SEMA3A: variants seen among roughly 807,000 people sequenced by gnomAD.
SEMA3A encodes semaphorin-3A.
A neutral mutation model predicts 97.9 loss-of-function variants in SEMA3A; 29 were observed. The observed-to-expected ratio is 0.30, with a 90% confidence interval of 0.22 to 0.40. The LOEUF is 0.40. Among genes scored for constraint, SEMA3A ranks in the 10% least tolerant of loss-of-function variants. SEMA3A has a pLI of 1.00. For synonymous variants in SEMA3A, 321 were observed against 323.7 expected, an observed-to-expected ratio of 0.99 and a Z score of 0.09; for missense variants, 763 against 951.3, an observed-to-expected ratio of 0.80 and a Z score of 2.60.
rs187709570 is a variant in SEMA3A at position 84,431,977 on chromosome 7, T to C, written c.-245-60077A>G. On this transcript the variant is annotated intron_variant, in intron 1 of 3. Coordinates refer to the SEMA3A transcript ENST00000424555. The stretch of plus-strand genomic sequence containing the variant: ...GCAGGTTATATAAAATGAAATATAT[T>C]TGTAGTTGACTATTAATGATAATGG... Among the ~76,000 whole-genome samples, 1,177 of 152,102 alleles carry C rather than the reference T, an allele frequency of 7.7e-3. 6 individuals carry two copies. Among genetic ancestry groups the C allele is most frequent in the Admixed American group, 0.012 (185 of 15,246 alleles).
At chr7:84,467,513 C>T (rs1294451377) in intron 1 of SEMA3A, among the ~76,000 whole-genome samples, 5 of 122,700 alleles carry the variant, frequency 4.1e-5, no homozygotes, top group South Asian at 2.6e-4. Flanking sequence ...GGTGACAGAG[C>T]GAGACTCCTT....
intron 3 of SEMA3A, among the ~76,000 whole-genome samples, chr7:84,200,512 A>G (rs184575182): frequency 1.3e-5 from 2 of 152,262 alleles, no homozygotes; most frequent in Non-Finnish European, 2.9e-5. Context: ...ATAAAATTTC[A>G]TAAGTTATGG....
chr7:84,401,302 A>C (rs1396572136), intron 1 of SEMA3A, among the ~76,000 whole-genome samples: 1 of 152,136 alleles, frequency 6.6e-6, no homozygotes, highest in Non-Finnish European at 1.5e-5. Context: ...TTTAACCAAA[A>C]AGTGAGAGAT....
chr7:84,299,540 C>T (rs1800956045), intron 3 of SEMA3A, among the ~76,000 whole-genome samples: 2 of 151,300 alleles, frequency 1.3e-5, no homozygotes. Flanking sequence ...CAGTCTAACT[C>T]CCACCCAACA....
At chr7:84,340,148 C>T (rs1448949580) in intron 2 of SEMA3A, among the ~76,000 whole-genome samples, 1 of 152,024 alleles carries the variant, frequency 6.6e-6, no homozygotes, top group African/African-American at 2.4e-5. Context: ...AGTTAATATA[C>T]TTTTACAATT....
At chr7:84,425,304 TATATA>T (rs1220222878) in intron 1 of SEMA3A, among the ~76,000 whole-genome samples, 1 of 119,602 alleles carries the variant, frequency 8.4e-6, no homozygotes, top group Admixed American at 9.6e-5. Context: ...TTTATATAAA[TATATA>T]ATATAATGAT....
At chr7:84,138,526 G>A (rs548583597) in intron 1 of SEMA3A, among the ~76,000 whole-genome samples, 9 of 152,132 alleles carry the variant, frequency 5.9e-5, no homozygotes, top group African/African-American at 1.2e-4. Flanking sequence ...TGTTTCCTAC[G>A]TACAGACAAC....
At chr7:84,076,220 A>T (rs187260485) in intron 4 of SEMA3A, among the ~76,000 whole-genome samples, 1 of 152,280 alleles carries the variant, frequency 6.6e-6, no homozygotes, top group Non-Finnish European at 1.5e-5. Flanking sequence ...ATTGCTAATA[A>T]CTGTTAAGCA....
In SEMA3A at chr7:84,021,093, C is replaced by T. The variant is rs527589471; in HGVS notation, c.668-6742G>A. ...ATTTTGGCTCCCAAGTTTTTTAGCA[C>T]GATAGGGAAATGGGAAACCTTGTCA... On this transcript the variant is annotated intron_variant, in intron 6 of 16. Coordinates refer to ENST00000265362, the MANE Select transcript of SEMA3A (RefSeq NM_006080.3). 5.3e-5 allele frequency among the ~76,000 whole-genome samples: 8 copies of T among 152,256 alleles called. No individual in the cohort carries two copies. In the South Asian group the frequency reaches 1.0e-3, roughly 20 times the overall value.
chr7:84,177,952 T>C (rs1584087836), intron 1 of SEMA3A, among the ~76,000 whole-genome samples: 1 of 152,270 alleles, frequency 6.6e-6, no homozygotes, highest in East Asian at 1.9e-4. Flanking sequence ...CATATTGGCT[T>C]AGTCACTCTT....
At chr7:84,404,651 C>T (rs1419280822) in intron 1 of SEMA3A, among the ~76,000 whole-genome samples, 1 of 152,196 alleles carries the variant, frequency 6.6e-6, no homozygotes, top group East Asian at 1.9e-4. Context: ...AGAGAAAGGT[C>T]GGGTTACCCA....
intron 2 of SEMA3A, among the ~76,000 whole-genome samples, chr7:84,357,179 T>G (rs1037781684): frequency 1.3e-5 from 2 of 151,856 alleles, no homozygotes; most frequent in African/African-American, 4.8e-5. Context: ...GTGCACAACA[T>G]GCAGGCTTGT....
intron 3 of SEMA3A, among the ~76,000 whole-genome samples, chr7:84,237,929 C>A (rs1799273352): frequency 6.6e-6 from 1 of 151,990 alleles, no homozygotes; most frequent in Non-Finnish European, 1.5e-5. Context: ...GAAAACTTAA[C>A]CATAAAAAGA....
chr7:84,173,075 A>C (rs984137752), intron 1 of SEMA3A, among the ~76,000 whole-genome samples: 2 of 152,200 alleles, frequency 1.3e-5, no homozygotes, highest in African/African-American at 4.8e-5. Context: ...CCATATTTTC[A>C]GAGGAAAAGT....
intron 1 of SEMA3A, among the ~76,000 whole-genome samples, chr7:84,390,966 A>C (rs1484600537): frequency 6.6e-6 from 1 of 152,184 alleles, no homozygotes. Context: ...AGAGAAAAGT[A>C]CATATGGTTT....
At chr7:84,216,042 G>C (rs976245496) in intron 3 of SEMA3A, among the ~76,000 whole-genome samples, 1 of 152,134 alleles carries the variant, frequency 6.6e-6, no homozygotes, top group Non-Finnish European at 1.5e-5. Context: ...ATTGAAAAGT[G>C]ATTCCTCTGG....
At chr7:84,424,189 C>T (rs912398044) in intron 1 of SEMA3A, among the ~76,000 whole-genome samples, 1 of 151,160 alleles carries the variant, frequency 6.6e-6, no homozygotes, top group African/African-American at 2.4e-5. Context: ...GACACCTGCA[C>T]ACGAATATTT....
rs1797961959 is a variant in SEMA3A at position 84,188,939 on chromosome 7, T to C, written c.112+5536A>G. ...GACTATTATGCCAATTTTTCCAAAC[T>C]TGGTCTGCACACCTTATTCTGTGCA... On this transcript the variant is annotated intron_variant, in intron 1 of 16. Coordinates refer to ENST00000265362, the MANE Select transcript of SEMA3A (RefSeq NM_006080.3). Among the ~76,000 whole-genome samples, 4 of 151,894 alleles carry C rather than the reference T, an allele frequency of 2.6e-5. No individual in the cohort carries two copies. The South Asian group carries it at 8.3e-4, about 31-fold the overall frequency.
intron 5 of SEMA3A, among the ~76,000 whole-genome samples, chr7:84,056,543 C>T (rs1792983337): frequency 6.6e-6 from 1 of 151,826 alleles, no homozygotes; most frequent in African/African-American, 2.4e-5. Flanking sequence ...TAAGTAAATT[C>T]CACTCACAGA....
Sources: gnomAD v4.1 joint callset for allele counts (sites outside exome capture counted in the v4.1 genomes callset) on GRCh38, gnomAD v4.1.1 for gene constraint, MANE v1.5 for transcripts, NCBI Gene and HGNC (gene_info 2026-07-23, HGNC 2026-07-21) for gene names.